The following PRKAG2 variants were observed in gnomAD, a reference collection of about 807,000 sequenced individuals.
The protein encoded by PRKAG2 is 5'-AMP-activated protein kinase subunit gamma-2.
PRKAG2 carries 26 observed loss-of-function variants against 69.6 expected under a neutral mutation model. The observed-to-expected ratio is 0.37, with a 90% CI of 0.27 to 0.52. PRKAG2 has a LOEUF of 0.52. Ranked by LOEUF, PRKAG2 falls within the 20% of genes least tolerant of loss-of-function variation. The pLI is 0.90. For missense variants in PRKAG2, 557 were observed against 740.0 expected (o/e 0.75, Z 2.87); for synonymous variants, 293 against 285.0 (o/e 1.03, Z -0.28).
rs1444517071 is a variant in PRKAG2, at chr7:151,835,536, C to A, written c.114+40971G>T. ...GAAATTGCTCTTGTCTGCCTGCTTACCCTTCCGAGGCATCTAACAGCATCC... is the reference window on the plus strand; with the variant it reads ...GAAATTGCTCTTGTCTGCCTGCTTAACCTTCCGAGGCATCTAACAGCATCC... On this transcript the variant is annotated intron_variant, in intron 1 of 15. Coordinates refer to ENST00000287878, the MANE Select transcript of PRKAG2 (RefSeq NM_016203.4). The surrounding 1 kb of genome is among the most constrained non-coding windows in gnomAD (Gnocchi z 4.1). 6.6e-6 allele frequency among the ~76,000 whole-genome samples: 1 copy of A among 152,112 alleles called. No homozygotes were observed. The highest frequency in any genetic ancestry group is 1.5e-5 in the Non-Finnish European group (1 of 68,022).
chr7:151,821,065 G>GACCTCA (rs2078767437), intron 1 of PRKAG2, among the ~76,000 whole-genome samples: 5 of 47,542 alleles, frequency 1.1e-4, no homozygotes, highest in Admixed American at 1.8e-4. Flanking sequence ...TGTGGAGACA[G>GACCTCA]GGAACAAGCA....
intron 1 of PRKAG2, among the ~76,000 whole-genome samples, chr7:151,848,512 CTTTTTTTTTTTTTT>C (rs1158559692): frequency 2.6e-4 from 16 of 62,252 alleles, no homozygotes; most frequent in Middle Eastern, 0.017. Context: ...TACTGCATGT[CTTTTTTTTTTTTTT>C]TTTTTTTTTT....
At chr7:151,762,351 T>C (rs1466196462) in intron 3 of PRKAG2, among the ~76,000 whole-genome samples, 1 of 152,120 alleles carries the variant, frequency 6.6e-6, no homozygotes, top group Non-Finnish European at 1.5e-5. Context: ...CTCACAGTAT[T>C]GACACACGTA....
At position 151,771,565 on chromosome 7, in the gene PRKAG2, A is replaced by G. The variant is rs190421745; in HGVS notation, c.466+9587T>C. On this transcript the variant is annotated intron_variant, in intron 3 of 15. Transcript: ENST00000287878. The surrounding 1 kb of genome is among the most constrained non-coding windows in gnomAD (Gnocchi z 4.0). Reference sequence around the variant, plus strand: ...CTAGAAGTCTCAGGCTCTGGGGTATATATCAATATCACCTGAGGAGCCTGT... The same window carrying G: ...CTAGAAGTCTCAGGCTCTGGGGTATGTATCAATATCACCTGAGGAGCCTGT... Among the ~76,000 whole-genome samples, 165 of 152,346 alleles carry G rather than the reference A, an allele frequency of 1.1e-3. No homozygotes were observed. Among genetic ancestry groups the G allele is most frequent in the African/African-American group, 3.9e-3 (161 of 41,578 alleles).
At chr7:151,565,225 C>T in intron 13 of PRKAG2, 121 bp downstream of exon 13, 1 of 842,174 alleles carries the variant, frequency 1.2e-6, no homozygotes, top group South Asian at 2.0e-5. Context: ...TGATAATATC[C>T]TCACACCCCA....
At chr7:151,559,810 A>G in intron 15 of PRKAG2, 1 of 985,216 alleles carries the variant, frequency 1.0e-6, no homozygotes, top group Non-Finnish European at 1.2e-6. Context: ...TGGGTTGTTC[A>G]TATTTGACTG....
At chr7:151,587,083 G>A (rs2151092735) in intron 6 of PRKAG2, among the ~76,000 whole-genome samples, 1 of 152,246 alleles carries the variant, frequency 6.6e-6, no homozygotes, top group South Asian at 2.1e-4. Context: ...ATCGCTTCAA[G>A]TGAGCCGAGA....
At chr7:151,826,250 G>A (rs192840757) in intron 1 of PRKAG2, among the ~76,000 whole-genome samples, 12 of 151,730 alleles carry the variant, frequency 7.9e-5, no homozygotes, top group East Asian at 5.8e-4. Flanking sequence ...GCGTGACCTC[G>A]GCTCACTGCA....
rs541347344 is a variant in PRKAG2, at chr7:151,578,336, T to G, written c.865-1884A>C. Among the ~76,000 whole-genome samples the G allele has an allele frequency of 2.6e-5, 4 of 152,252 alleles. No homozygotes were observed. In the East Asian group the frequency reaches 7.7e-4, roughly 29 times the overall value. On this transcript the variant is annotated intron_variant, in intron 6 of 15. Coordinates refer to ENST00000287878, the MANE Select transcript of PRKAG2 (RefSeq NM_016203.4). ...CTCCAGCCTGAGTGAAGAGTGAGAC[T>G]CTGTCTCAAACAAGCAAACAAACAA...
chr7:151,786,291 C>A (rs746943163), intron 2 of PRKAG2, among the ~76,000 whole-genome samples, 179 bp downstream of exon 2: 2 of 152,180 alleles, frequency 1.3e-5, no homozygotes, highest in Non-Finnish European at 2.9e-5. Flanking sequence ...CCGGCCGATA[C>A]GCCAGGCTTG....
intron 3 of PRKAG2, among the ~76,000 whole-genome samples, chr7:151,687,427 T>C (rs1349551033): frequency 6.6e-6 from 1 of 152,188 alleles, no homozygotes; most frequent in Non-Finnish European, 1.5e-5. Flanking sequence ...GGAAAAACAA[T>C]TTGCTAATAA....
Position 151,638,003 on chromosome 7 carries a change from C to T in PRKAG2, c.685-5865G>A, listed in dbSNP as rs142264950. 1.5e-3 allele frequency among the ~76,000 whole-genome samples: 235 copies of T among 152,232 alleles called. 1 individual carries two copies. The highest frequency in any genetic ancestry group is 5.3e-3 in the African/African-American group (220 of 41,540). ...TGCAAGCAAAGGGAAGGGGCGTGCA[C>T]TTGTGACACCGACTCCTCTCTCAGT... is the stretch of plus-strand genomic sequence containing the variant. On this transcript the variant is annotated intron_variant, in intron 4 of 15. Coordinates refer to ENST00000287878, the MANE Select transcript of PRKAG2 (RefSeq NM_016203.4). This position sits in a 1 kb window ranked among gnomAD's most constrained non-coding sequence, Gnocchi z 4.3.
At chr7:151,558,446 G>C in intron 15 of PRKAG2, 1 of 985,292 alleles carries the variant, frequency 1.0e-6, no homozygotes, top group Non-Finnish European at 1.2e-6. Context: ...AGACGGGCCT[G>C]TATCAGCCGG....
At chr7:151,581,177 A>C (rs970410752) in intron 6 of PRKAG2, among the ~76,000 whole-genome samples, 3 of 152,254 alleles carry the variant, frequency 2.0e-5, no homozygotes, top group Admixed American at 6.5e-5. Context: ...AAGAAGGAAT[A>C]AAAGAACAAA....
intron 3 of PRKAG2, among the ~76,000 whole-genome samples, chr7:151,741,573 G>C (rs2073894930): frequency 6.6e-6 from 1 of 151,898 alleles, no homozygotes; most frequent in African/African-American, 2.4e-5. Flanking sequence ...TATTAGGGAG[G>C]CTGAGGCAGG....
Position 151,814,573 on chromosome 7 carries a change from G to C in PRKAG2, c.115-28032C>G. 3.2e-6 allele frequency: 4 copies of C among 1,231,726 alleles called. No homozygotes were observed. The highest frequency in any genetic ancestry group is 1.5e-5 in the African/African-American group (1 of 64,536). The allele number at this position is 1,231,726 out of a possible 1,614,324, so 76.3% of individuals were successfully genotyped here. A position where few individuals can be genotyped will look rare whatever the true frequency, so the allele number is the denominator to read the frequency against. On this transcript the variant is annotated intron_variant, in intron 1 of 15. Coordinates refer to ENST00000287878, the MANE Select transcript of PRKAG2 (RefSeq NM_016203.4). The surrounding 1 kb of genome is among the most constrained non-coding windows in gnomAD (Gnocchi z 4.8). ...CACTCGAAAGGTCCATCAGAGAAGGGGTTTCCCAGCCCCTTCAGCACAGGC... is the reference window on the plus strand; with the variant it reads ...CACTCGAAAGGTCCATCAGAGAAGGCGTTTCCCAGCCCCTTCAGCACAGGC...
chr7:151,866,019 CAAAAAA>C (rs61697386), intron 1 of PRKAG2, among the ~76,000 whole-genome samples: 53 of 95,746 alleles, frequency 5.5e-4, no homozygotes, highest in African/African-American at 1.8e-3. Flanking sequence ...GACTCTGTCT[CAAAAAA>C]AAAAAAAAAA....
At position 151,800,316 on chromosome 7, in the gene PRKAG2, C is replaced by T. The variant is rs376745133; in HGVS notation, c.115-13775G>A. On this transcript the variant is annotated intron_variant, in intron 1 of 15. Coordinates refer to ENST00000287878, the MANE Select transcript of PRKAG2 (RefSeq NM_016203.4). ...GAGCTTGCAGTGAGCTGAGATCACG[C>T]CACTGCACTCCAGCCTGGGCGACAG... Among the ~76,000 whole-genome samples the T allele has an allele frequency of 4.0e-5, 6 of 151,172 alleles. No homozygotes were observed. The East Asian group carries it at 5.8e-4, about 15-fold the overall frequency.
chr7:151,873,039 G>A (rs754344184), intron 1 of PRKAG2, among the ~76,000 whole-genome samples: 2 of 152,212 alleles, frequency 1.3e-5, no homozygotes, highest in African/African-American at 2.4e-5. Flanking sequence ...GCTAAAACAT[G>A]ATTCATTGTC....
Sources: allele counts gnomAD v4.1 joint callset (sites outside exome capture counted in the v4.1 genomes callset), GRCh38; gene constraint gnomAD v4.1.1; non-coding constraint Gnocchi (gnomAD v3.1); transcripts MANE v1.5; gene names NCBI Gene and HGNC (gene_info 2026-07-23, HGNC 2026-07-21).